The following MACROD2 variants were observed in gnomAD, a reference collection of about 807,000 sequenced individuals.
MACROD2 encodes the protein ADP-ribose glycohydrolase MACROD2.
In MACROD2, 36 loss-of-function variants were observed where a neutral mutation model predicts 70.4. The observed-to-expected ratio is 0.51, with a 90% CI of 0.39 to 0.68. MACROD2 has a LOEUF of 0.68. Among genes scored for constraint, MACROD2 ranks in the 30% least tolerant of loss-of-function variants. The probability of loss-of-function intolerance (pLI) is 0.00; values close to 1 mark genes in which losing one functional copy is unlikely to be tolerated. For missense variants in MACROD2, 496 were observed against 538.4 expected, an observed-to-expected ratio of 0.92 and a Z score of 0.78; for synonymous variants, 172 against 178.8, an observed-to-expected ratio of 0.96 and a Z score of 0.30.
At chr20:14,380,614 T>C (rs1322344533) in intron 3 of MACROD2, among the ~76,000 whole-genome samples, 1 of 152,124 alleles carries the variant, frequency 6.6e-6, no homozygotes, top group Admixed American at 6.5e-5. Context: ...CTTAATTCTT[T>C]TACTTGTGGA....
At chr20:15,316,661 A>G (rs1055547016) in intron 6 of MACROD2, among the ~76,000 whole-genome samples, 1 of 152,124 alleles carries the variant, frequency 6.6e-6, no homozygotes, top group African/African-American at 2.4e-5. Flanking sequence ...CAAGAAGGAC[A>G]TAGAGAACTT....
intron 7 of MACROD2, among the ~76,000 whole-genome samples, chr20:15,470,249 C>T (rs1054685082): frequency 1.3e-5 from 2 of 152,126 alleles, no homozygotes; most frequent in African/African-American, 4.8e-5. Flanking sequence ...CGGGGTTTCA[C>T]CATGTTAGCT....
At chr20:15,828,087 ATGTGT>A (rs2064016807) in intron 8 of MACROD2, among the ~76,000 whole-genome samples, 1 of 152,306 alleles carries the variant, frequency 6.6e-6, no homozygotes, top group East Asian at 1.9e-4. Flanking sequence ...GTAATTAATA[ATGTGT>A]TGTGTATTTG....
intron 6 of MACROD2, among the ~76,000 whole-genome samples, chr20:15,369,434 C>G (rs1032327640): frequency 5.3e-5 from 8 of 152,104 alleles, no homozygotes; most frequent in Non-Finnish European, 1.2e-4. Flanking sequence ...TCAACATGCT[C>G]TATTAGTAGC....
At chr20:15,747,672 G>T (rs1435751191) in intron 8 of MACROD2, among the ~76,000 whole-genome samples, 1 of 151,980 alleles carries the variant, frequency 6.6e-6, no homozygotes, top group Non-Finnish European at 1.5e-5. Context: ...TGCTACAATT[G>T]CTTATTATTT....
intron 6 of MACROD2, among the ~76,000 whole-genome samples, chr20:15,314,499 C>T (rs1303863189): frequency 6.6e-6 from 1 of 152,116 alleles, no homozygotes; most frequent in Non-Finnish European, 1.5e-5. Context: ...TCTATACTCC[C>T]CTACCCGGCT....
At chr20:14,949,690 T>G (rs991214686) in intron 5 of MACROD2, among the ~76,000 whole-genome samples, 2 of 152,296 alleles carry the variant, frequency 1.3e-5, no homozygotes. Flanking sequence ...ATGGTTTTCT[T>G]TCCATATGTT....
At chr20:16,030,813 A>G (rs2067142074) in intron 15 of MACROD2, among the ~76,000 whole-genome samples, 1 of 152,190 alleles carries the variant, frequency 6.6e-6, no homozygotes, top group South Asian at 2.1e-4. Flanking sequence ...TGTGAGAATG[A>G]TAGGTGTCGC....
chr20:15,846,067 A>G (rs2064227493), intron 8 of MACROD2, among the ~76,000 whole-genome samples: 1 of 152,250 alleles, frequency 6.6e-6, no homozygotes, highest in Non-Finnish European at 1.5e-5. Flanking sequence ...TCAATTTTAT[A>G]TAAACATTTA....
intron 5 of MACROD2, among the ~76,000 whole-genome samples, chr20:15,034,806 A>G (rs1335041387): frequency 6.6e-6 from 1 of 152,204 alleles, no homozygotes; most frequent in Non-Finnish European, 1.5e-5. Context: ...AAACATTTTT[A>G]TAATATATTT....
rs542698273 is a variant in MACROD2, at chr20:14,027,507, C to T, written c.163+25103C>T. ...CTGTCCCATTTTGTTCCCTTGCTGA[C>T]GAGGAGTTGTGATCCTTGGGAGGAG... On this transcript the variant is annotated intron_variant, in intron 2 of 17. Transcript: ENST00000684519. Among the ~76,000 whole-genome samples, 83 of 152,176 alleles carry T rather than the reference C, an allele frequency of 5.5e-4. No homozygotes were observed. The South Asian group carries it at 0.014, about 26-fold the overall frequency.
intron 3 of MACROD2, among the ~76,000 whole-genome samples, chr20:14,225,438 T>G (rs1318379043): frequency 1.3e-5 from 2 of 152,208 alleles, no homozygotes; most frequent in Non-Finnish European, 2.9e-5. Context: ...TAACATGTAG[T>G]TATTCTCTTT....
chr20:15,498,620 C>T (rs1424470328), intron 7 of MACROD2, among the ~76,000 whole-genome samples: 2 of 152,126 alleles, frequency 1.3e-5, no homozygotes, highest in Non-Finnish European at 2.9e-5. Context: ...AGAAGTCACA[C>T]ATTCATCAAG....
At chr20:14,038,310 A>T (rs112339555) in intron 2 of MACROD2, among the ~76,000 whole-genome samples, 2,914 of 150,388 alleles carry the variant, frequency 0.019, 38 homozygotes, top group Non-Finnish European at 0.033. Context: ...AAAAAAAAAG[A>T]TTCTGTGTAT....
At chr20:14,420,294 G>A (rs1341112236) in intron 3 of MACROD2, among the ~76,000 whole-genome samples, 1 of 152,012 alleles carries the variant, frequency 6.6e-6, no homozygotes, top group Non-Finnish European at 1.5e-5. Context: ...TCTCTAAACT[G>A]TTTTTCATAG....
chr20:14,785,888 A>G (rs751695936), intron 5 of MACROD2, among the ~76,000 whole-genome samples: 1 of 152,072 alleles, frequency 6.6e-6, no homozygotes, highest in African/African-American at 2.4e-5. Flanking sequence ...TGTTCCAGGA[A>G]GAAAAAAGGG....
At chr20:14,498,677 A>C (rs956025942) in intron 4 of MACROD2, among the ~76,000 whole-genome samples, 2 of 152,210 alleles carry the variant, frequency 1.3e-5, no homozygotes, top group Middle Eastern at 6.3e-3. Flanking sequence ...GAAAACAACT[A>C]ATTTCACAAA....
intron 5 of MACROD2, among the ~76,000 whole-genome samples, chr20:14,726,725 A>G (rs2071534664): frequency 1.3e-5 from 2 of 152,178 alleles, no homozygotes; most frequent in African/African-American, 4.8e-5. Context: ...TTCACATCTC[A>G]TAAGTACGAA....
At chr20:14,510,945 T>A (rs1291272033) in intron 4 of MACROD2, among the ~76,000 whole-genome samples, 1 of 152,062 alleles carries the variant, frequency 6.6e-6, no homozygotes, top group African/African-American at 2.4e-5. Flanking sequence ...GTGGGTGGTA[T>A]GATAAAATGC....
Sources: allele counts gnomAD v4.1 joint callset (sites outside exome capture counted in the v4.1 genomes callset), GRCh38; gene constraint gnomAD v4.1.1; transcripts MANE v1.5; gene names NCBI Gene and HGNC (gene_info 2026-07-23, HGNC 2026-07-21).